SYT1: variants seen among roughly 807,000 people sequenced by gnomAD.
The protein encoded by SYT1 is synaptotagmin 1.
A neutral mutation model predicts 44.8 loss-of-function variants in SYT1; 8 were observed. The observed-to-expected ratio is 0.18, with a 90% CI of 0.10 to 0.32. SYT1 has a LOEUF of 0.32. Among genes scored for constraint, SYT1 ranks in the 10% least tolerant of loss-of-function variants. The pLI is 1.00. For missense variants in SYT1, 286 were observed against 509.3 expected (o/e 0.56, Z 4.22); for synonymous variants, 154 against 188.8 (o/e 0.82, Z 1.51).
chr12:78,955,462 TTCTGG>T (rs1879159541), intron 1 of SYT1: 1 of 152,138 alleles, frequency 6.6e-6, no homozygotes, highest in South Asian at 2.1e-4. Flanking sequence ...TTACTTACAG[TTCTGG>T]AAGCTGGAAA....
intron 9 of SYT1, among the ~76,000 whole-genome samples, chr12:79,399,532 G>A (rs10506815): frequency 0.15 from 22,690 of 152,014 alleles, 2,045 homozygotes; most frequent in Middle Eastern, 0.34. Context: ...TGTTAACTAC[G>A]TTTATCCCAT....
At position 79,155,915 on chromosome 12, in the gene SYT1, A is replaced by G. The variant is rs141123378; in HGVS notation, c.-17-61588A>G. ...AATTTGTTAACAATTACATAACCTCAGTGGATAACTTGATTGCCTAATCAG... is the reference window on the plus strand; with the variant it reads ...AATTTGTTAACAATTACATAACCTCGGTGGATAACTTGATTGCCTAATCAG... On this transcript the variant is annotated intron_variant, in intron 3 of 10. Coordinates refer to ENST00000261205, the MANE Select transcript of SYT1 (RefSeq NM_005639.3). Among the ~76,000 whole-genome samples the G allele has an allele frequency of 7.5e-3, 1,150 of 152,338 alleles. 13 individuals are homozygous for G. Among genetic ancestry groups the G allele is most frequent in the African/African-American group, 0.026 (1,085 of 41,594 alleles).
intron 3 of SYT1, among the ~76,000 whole-genome samples, chr12:79,055,283 C>T (rs969602058): frequency 2.6e-5 from 4 of 151,874 alleles, no homozygotes; most frequent in Non-Finnish European, 5.9e-5. Flanking sequence ...GATTTGTAAG[C>T]TCTCATTGAT....
intron 4 of SYT1, among the ~76,000 whole-genome samples, chr12:79,226,879 C>T (rs1186109325): frequency 2.0e-5 from 3 of 152,060 alleles, no homozygotes; most frequent in Non-Finnish European, 2.9e-5. Context: ...AAAAATAAAA[C>T]ACATCCTTAA....
Position 79,179,784 on chromosome 12 carries a change from T to A in SYT1, c.-17-37719T>A, listed in dbSNP as rs543615226. 1.1e-4 allele frequency among the ~76,000 whole-genome samples: 16 copies of A among 152,140 alleles called. No individual in the cohort carries two copies. In the South Asian group the frequency reaches 3.3e-3, roughly 32 times the overall value. On this transcript the variant is annotated intron_variant, in intron 3 of 10. Transcript: ENST00000261205. ...TTGCTCTAGCCTAAGTTTCAGATTT[T>A]TAATTATTCATTTTTGTCCTTGGAC...
intron 3 of SYT1, among the ~76,000 whole-genome samples, chr12:79,105,257 A>G (rs553009393): frequency 2.6e-5 from 4 of 152,188 alleles, no homozygotes; most frequent in Non-Finnish European, 5.9e-5. Context: ...GATGATGCCC[A>G]GCTTCCCATG....
At chr12:78,894,924 AC>A (rs1420032069) in intron 1 of SYT1, among the ~76,000 whole-genome samples, 1 of 151,730 alleles carries the variant, frequency 6.6e-6, no homozygotes. Context: ...TGTTCTCACC[AC>A]AAAAAAATAA....
chr12:79,370,545 G>A (rs1883740652), intron 9 of SYT1, among the ~76,000 whole-genome samples: 2 of 152,020 alleles, frequency 1.3e-5, no homozygotes, highest in African/African-American at 4.8e-5. Context: ...GGCGGATCAC[G>A]AGGTCAGAAG....
intron 2 of SYT1, chr12:79,036,339 G>A (rs1290538309): frequency 1.3e-5 from 2 of 151,814 alleles, no homozygotes; most frequent in African/African-American, 4.8e-5. Context: ...CTTCATGGAG[G>A]TGTCAGTAAT....
At chr12:79,156,489 A>G (rs536031341) in intron 3 of SYT1, among the ~76,000 whole-genome samples, 74 of 151,942 alleles carry the variant, frequency 4.9e-4, no homozygotes, top group African/African-American at 1.6e-3. Context: ...TGTTGTTGTT[A>G]TGGAGTCTCG....
chr12:78,866,179 GA>G (rs1325514996), intron 1 of SYT1, among the ~76,000 whole-genome samples: 2 of 152,130 alleles, frequency 1.3e-5, no homozygotes, highest in African/African-American at 4.8e-5. Context: ...CATTTGTGTA[GA>G]ATTTTCACTT....
chr12:79,067,105 C>G (rs1408718352), intron 3 of SYT1, among the ~76,000 whole-genome samples: 1 of 152,110 alleles, frequency 6.6e-6, no homozygotes, highest in African/African-American at 2.4e-5. Flanking sequence ...TTGGCTTGTC[C>G]CACTGTGAGA....
At chr12:78,992,021 T>G (rs764624928) in intron 2 of SYT1, among the ~76,000 whole-genome samples, 6 of 152,206 alleles carry the variant, frequency 3.9e-5, no homozygotes, top group Non-Finnish European at 7.3e-5. Context: ...AAGGTCATTT[T>G]CCTTTTCATA....
intron 4 of SYT1, among the ~76,000 whole-genome samples, chr12:79,264,689 T>C (rs902518072): frequency 1.3e-5 from 2 of 152,250 alleles, no homozygotes; most frequent in Non-Finnish European, 2.9e-5. Flanking sequence ...TTAGCTGGAA[T>C]GGCTAATTAT....
At position 79,422,321 on chromosome 12, in the gene SYT1, T is replaced by C. The variant is rs532455280; in HGVS notation, c.929-21752T>C. ...TTAAAAGAGGGAGTTTCATCTTTCT[T>C]TTGCATGCTATGTTCCTTTCTTTTA... On this transcript the variant is annotated intron_variant, in intron 9 of 10. Transcript: ENST00000261205. Among the ~76,000 whole-genome samples the C allele has an allele frequency of 2.0e-5, 3 of 152,158 alleles. No individual in the cohort carries two copies. The South Asian group carries it at 6.2e-4, about 32-fold the overall frequency.
At chr12:79,334,972 C>T (rs1332475555) in intron 8 of SYT1, among the ~76,000 whole-genome samples, 1 of 152,088 alleles carries the variant, frequency 6.6e-6, no homozygotes, top group African/African-American at 2.4e-5. Flanking sequence ...CACATTGACA[C>T]ATCTAACTCA....
intron 1 of SYT1, among the ~76,000 whole-genome samples, chr12:78,872,185 A>G (rs1033549660): frequency 1.1e-4 from 17 of 151,938 alleles, no homozygotes; most frequent in Admixed American, 1.1e-3. Context: ...ATACCCTTAA[A>G]TTGACAAAAC....
chr12:79,355,204 A>T (rs922735714), intron 9 of SYT1, among the ~76,000 whole-genome samples: 1 of 152,156 alleles, frequency 6.6e-6, no homozygotes, highest in Non-Finnish European at 1.5e-5. Flanking sequence ...AACTTGGCTA[A>T]GGGAAGTTAG....
intron 8 of SYT1, among the ~76,000 whole-genome samples, chr12:79,313,173 A>G (rs1480431519): frequency 6.6e-6 from 1 of 152,032 alleles, no homozygotes; most frequent in Non-Finnish European, 1.5e-5. Context: ...TAGATTTACA[A>G]TCTACATGCA....
Sources: gnomAD v4.1 joint callset for allele counts (sites outside exome capture counted in the v4.1 genomes callset) on GRCh38, gnomAD v4.1.1 for gene constraint, MANE v1.5 for transcripts, NCBI Gene and HGNC (gene_info 2026-07-23, HGNC 2026-07-21) for gene names.